The following CSMD1 variants were observed in gnomAD, a reference collection of about 807,000 sequenced individuals.
The protein encoded by CSMD1 is CUB and sushi domain-containing protein 1.
CSMD1 carries 213 observed loss-of-function variants against 417.5 expected under a neutral mutation model. That is an observed-to-expected ratio of 0.51 (90% confidence interval 0.46 to 0.57). The LOEUF is 0.57. Ranked by LOEUF, CSMD1 falls within the 20% of genes least tolerant of loss-of-function variation. The pLI is 0.00. For missense variants in CSMD1, 6,923 were observed against 4,529.7 expected (o/e 1.53, Z -15.17); for synonymous variants, 2,862 against 1,736.8 (o/e 1.65, Z -16.11).
chr8:3,708,210 T>G (rs1801288660), intron 7 of CSMD1, among the ~76,000 whole-genome samples: 1 of 152,116 alleles, frequency 6.6e-6, no homozygotes, highest in African/African-American at 2.4e-5. Flanking sequence ...GACACATGGT[T>G]AGGAGTTAGA....
At chr8:3,486,385 T>G (rs1818036578) in intron 11 of CSMD1, among the ~76,000 whole-genome samples, 1 of 152,212 alleles carries the variant, frequency 6.6e-6, no homozygotes, top group South Asian at 2.1e-4. Context: ...TTTAATGGAC[T>G]TATCTCCCCA....
At chr8:3,525,047 G>T (rs868071024) in intron 10 of CSMD1, among the ~76,000 whole-genome samples, 3 of 152,102 alleles carry the variant, frequency 2.0e-5, no homozygotes, top group Middle Eastern at 3.2e-3. Context: ...TTGGTCCAAC[G>T]CCGAATAAAC....
chr8:2,978,919 G>T, intron 54 of CSMD1, 119 bp from the exon 55 acceptor site: 1 of 822,882 alleles, frequency 1.2e-6, no homozygotes, highest in Non-Finnish European at 1.8e-6. Flanking sequence ...ACAACATGAT[G>T]GCTGAGGCTC....
chr8:3,640,498 G>A (rs1797254575), intron 7 of CSMD1, among the ~76,000 whole-genome samples: 1 of 152,150 alleles, frequency 6.6e-6, no homozygotes, highest in Admixed American at 6.5e-5. Flanking sequence ...TCAGTTAATG[G>A]AAAATTGTGT....
chr8:3,861,070 A>G (rs1323567515), intron 5 of CSMD1, among the ~76,000 whole-genome samples: 1 of 152,110 alleles, frequency 6.6e-6, no homozygotes. Flanking sequence ...CTTTTTCAGT[A>G]TCAGCTGTAA....
chr8:4,080,256 A>G (rs888644327), intron 3 of CSMD1, among the ~76,000 whole-genome samples: 2 of 152,204 alleles, frequency 1.3e-5, no homozygotes, highest in African/African-American at 4.8e-5. Flanking sequence ...CTGCTTTTAA[A>G]CAATGACTCC....
chr8:4,955,046 T>G (rs1334172528), intron 1 of CSMD1, among the ~76,000 whole-genome samples: 1 of 152,188 alleles, frequency 6.6e-6, no homozygotes, highest in Non-Finnish European at 1.5e-5. Context: ...GGACATCCAT[T>G]GCTGTATGTC....
At chr8:3,837,076 G>C (rs907158659) in intron 5 of CSMD1, among the ~76,000 whole-genome samples, 10 of 151,226 alleles carry the variant, frequency 6.6e-5, no homozygotes, top group African/African-American at 2.4e-4. Context: ...AACATGAAGA[G>C]CTAGGAAGAA....
chr8:3,090,798 C>T (rs1814889334), intron 48 of CSMD1, among the ~76,000 whole-genome samples: 1 of 152,046 alleles, frequency 6.6e-6, no homozygotes, highest in South Asian at 2.1e-4. Flanking sequence ...GAAATGTGCT[C>T]AGGAATTAAG....
At chr8:4,982,711 A>C (rs926463187) in intron 1 of CSMD1, among the ~76,000 whole-genome samples, 1 of 152,226 alleles carries the variant, frequency 6.6e-6, no homozygotes, top group African/African-American at 2.4e-5. Context: ...ATCCATCATA[A>C]AAACTGAAAG....
At chr8:3,737,144 C>G (rs964460434) in intron 6 of CSMD1, among the ~76,000 whole-genome samples, 1 of 152,198 alleles carries the variant, frequency 6.6e-6, no homozygotes, top group African/African-American at 2.4e-5. Flanking sequence ...TAGATGGGAA[C>G]AGAGACAATT....
intron 1 of CSMD1, among the ~76,000 whole-genome samples, chr8:4,928,767 A>T (rs1280459598): frequency 1.3e-5 from 2 of 152,052 alleles, no homozygotes; most frequent in Non-Finnish European, 2.9e-5. Flanking sequence ...CCCATTAAAG[A>T]GGTAATTAAG....
chr8:4,218,298 T>TA (rs1800807067), intron 3 of CSMD1, among the ~76,000 whole-genome samples: 1 of 152,226 alleles, frequency 6.6e-6, no homozygotes, highest in Non-Finnish European at 1.5e-5. Context: ...TTGACTTTCC[T>TA]ATACTGTGAA....
At chr8:3,878,619 T>C (rs541248655) in intron 5 of CSMD1, among the ~76,000 whole-genome samples, 1 of 152,356 alleles carries the variant, frequency 6.6e-6, no homozygotes, top group East Asian at 1.9e-4. Context: ...AAGATCTATC[T>C]CTGTTTATTG....
chr8:4,523,041 A>C (rs1803558049), intron 2 of CSMD1, among the ~76,000 whole-genome samples: 1 of 152,218 alleles, frequency 6.6e-6, no homozygotes, highest in African/African-American at 2.4e-5. Context: ...GCAGGTTTTC[A>C]TAAGCTCTGC....
At chr8:4,209,917 G>A (rs904809855) in intron 3 of CSMD1, among the ~76,000 whole-genome samples, 15 of 152,248 alleles carry the variant, frequency 9.9e-5, no homozygotes, top group East Asian at 5.8e-4. Flanking sequence ...CATGGAAAGC[G>A]GTGACCACGT....
chr8:3,741,151 T>A (rs1220022456), intron 6 of CSMD1, among the ~76,000 whole-genome samples: 1 of 136,144 alleles, frequency 7.3e-6, no homozygotes, highest in African/African-American at 2.9e-5. Context: ...GAGGTGGAGG[T>A]TGCAGTGAGC....
chr8:4,317,452 T>C (rs1205057326), intron 3 of CSMD1, among the ~76,000 whole-genome samples: 1 of 152,174 alleles, frequency 6.6e-6, no homozygotes, highest in Non-Finnish European at 1.5e-5. Context: ...ATGTAACAGA[T>C]GTCTATACGC....
In CSMD1 at chr8:3,406,109, G is replaced by T. The variant is rs1286694272; in HGVS notation, c.2184C>A (p.Val728=). ...TAATGGACTCGGATCCCTGGGTCTT[G>T]ACAAAGCCATCATCACAGTGGAAAG... is the stretch of plus-strand genomic sequence containing the variant. The part of the protein sequence containing the change: ...SVSFHCDDGF[V]KTQGSESITC... The change falls in exon 15 of 70, where the codon GTC becomes GTA. Residue 728 remains valine (V), a synonymous_variant. Transcript: ENST00000635120. 6.2e-7 allele frequency: 1 copy of T among 1,613,788 alleles called. No homozygotes were observed. The highest frequency in any genetic ancestry group is 1.7e-5 in the Admixed American group (1 of 59,994).
Sources: allele counts gnomAD v4.1 joint callset (sites outside exome capture counted in the v4.1 genomes callset), GRCh38; gene constraint gnomAD v4.1.1; transcripts MANE v1.5; gene names NCBI Gene and HGNC (gene_info 2026-07-23, HGNC 2026-07-21).